SPIDR: variants seen among roughly 807,000 people sequenced by gnomAD.
The protein encoded by SPIDR is DNA repair-scaffolding protein.
Under a neutral mutation model 104.6 loss-of-function variants are expected in SPIDR, and 93 were observed. That is an observed-to-expected ratio of 0.89 (90% CI 0.75 to 1.06). The LOEUF (loss-of-function observed/expected upper bound fraction) is 1.06. Ranked by LOEUF, SPIDR falls within the 50% of genes least tolerant of loss-of-function variation. SPIDR has a pLI of 0.00. For synonymous variants in SPIDR, 431 were observed against 416.9 expected (o/e 1.03, Z -0.41); for missense variants, 1,154 against 1,111.2 (o/e 1.04, Z -0.55).
intron 10 of SPIDR, among the ~76,000 whole-genome samples, chr8:47,599,877 G>A (rs577300456): frequency 3.9e-5 from 6 of 152,028 alleles, no homozygotes; most frequent in South Asian, 2.1e-4. Flanking sequence ...AGAGATTCTC[G>A]TGCCCAAGTA....
intron 10 of SPIDR, among the ~76,000 whole-genome samples, chr8:47,642,209 G>T (rs1375821511): frequency 6.6e-6 from 1 of 152,064 alleles, no homozygotes; most frequent in East Asian, 1.9e-4. Context: ...GGATCACGAA[G>T]TAAGGAGATC....
intron 10 of SPIDR, among the ~76,000 whole-genome samples, chr8:47,669,036 C>T (rs2075413727): frequency 6.6e-6 from 1 of 152,016 alleles, no homozygotes; most frequent in Non-Finnish European, 1.5e-5. Flanking sequence ...CACAACAGCC[C>T]TCTGAATTAG....
At chr8:47,684,152 C>T (rs1453997685) in intron 11 of SPIDR, among the ~76,000 whole-genome samples, 3 of 128,322 alleles carry the variant, frequency 2.3e-5, no homozygotes, top group Admixed American at 8.2e-5. Context: ...AAAAAAAAAA[C>T]CTGATTAATA....
At chr8:47,497,749 G>C (rs1185569406) in intron 8 of SPIDR, among the ~76,000 whole-genome samples, 1 of 152,114 alleles carries the variant, frequency 6.6e-6, no homozygotes, top group Non-Finnish European at 1.5e-5. Flanking sequence ...AAGGGTAAAG[G>C]GTTTAGTTTA....
chr8:47,381,530 A>G lies in SPIDR; in HGVS notation c.526-14846A>G, dbSNP rs151142028. Among the ~76,000 whole-genome samples, 5 of 152,286 alleles carry G rather than the reference A, an allele frequency of 3.3e-5. No individual in the cohort carries two copies. In the East Asian group the frequency reaches 9.6e-4, roughly 29 times the overall value. On this transcript the variant is annotated intron_variant, in intron 5 of 19. Coordinates refer to ENST00000297423, the MANE Select transcript of SPIDR (RefSeq NM_001080394.4). The stretch of plus-strand genomic sequence containing the variant: ...GGTGCTACTGACTGTGCTCGTTTGT[A>G]GTGTGACTTTAAGAAAGGGAGGCTG...
chr8:47,678,630 A>T (rs1341130006), intron 11 of SPIDR, among the ~76,000 whole-genome samples: 1 of 152,112 alleles, frequency 6.6e-6, no homozygotes, highest in Non-Finnish European at 1.5e-5. Context: ...AAGATGTAGG[A>T]GCTCTGGAGA....
intron 5 of SPIDR, among the ~76,000 whole-genome samples, chr8:47,355,271 T>TAAAAAAAAAAAAAAAAAAAAAAA (rs34902790): frequency 2.6e-5 from 3 of 116,558 alleles, no homozygotes; most frequent in African/African-American, 9.9e-5. Flanking sequence ...AGGTTTTTTG[T>TAAAAAAAAAAAAAAAAAAAAAAA]AAAAAAAAAA....
At chr8:47,389,456 G>A (rs765994960) in intron 5 of SPIDR, among the ~76,000 whole-genome samples, 1 of 152,010 alleles carries the variant, frequency 6.6e-6, no homozygotes, top group Non-Finnish European at 1.5e-5. Flanking sequence ...TTGGGAGGCC[G>A]AGGCGGGCAG....
intron 8 of SPIDR, among the ~76,000 whole-genome samples, chr8:47,475,426 C>A (rs1470107882): frequency 6.6e-6 from 1 of 152,172 alleles, no homozygotes; most frequent in African/African-American, 2.4e-5. Flanking sequence ...GAAACAGATA[C>A]TGAGGAATAG....
intron 8 of SPIDR, among the ~76,000 whole-genome samples, chr8:47,450,753 G>C (rs139235356): frequency 2.6e-5 from 4 of 152,220 alleles, no homozygotes; most frequent in African/African-American, 9.6e-5. Flanking sequence ...ATGGTGTAGA[G>C]TAGGAAGTTC....
chr8:47,653,869 AC>A (rs1047826743), intron 10 of SPIDR: 17 of 664,698 alleles, frequency 2.6e-5, no homozygotes, highest in Middle Eastern at 7.4e-4. Context: ...CAAAAAAAAA[AC>A]AAACCACTTT....
intron 10 of SPIDR, among the ~76,000 whole-genome samples, chr8:47,634,399 C>G (rs1236540321): frequency 6.6e-6 from 1 of 151,848 alleles, no homozygotes; most frequent in South Asian, 2.1e-4. Context: ...TGTGGTGAGC[C>G]GAGATCATGC....
intron 10 of SPIDR, among the ~76,000 whole-genome samples, chr8:47,638,125 C>A (rs577669027): frequency 2.6e-4 from 39 of 151,840 alleles, no homozygotes; most frequent in African/African-American, 8.5e-4. Flanking sequence ...TTTGAGTGTT[C>A]TGTTTTGTTT....
intron 1 of SPIDR, among the ~76,000 whole-genome samples, chr8:47,263,463 G>A (rs537985015): frequency 4.9e-4 from 75 of 151,746 alleles, no homozygotes; most frequent in Admixed American, 9.2e-4. Context: ...CGGTACAGGC[G>A]CCAGCCTCCA....
At chr8:47,566,244 G>A (rs1280504055) in intron 8 of SPIDR, among the ~76,000 whole-genome samples, 1 of 151,562 alleles carries the variant, frequency 6.6e-6, no homozygotes, top group East Asian at 1.9e-4. Context: ...GACCTCAGGT[G>A]ATCTGCCCGC....
At chr8:47,700,251 G>A in intron 11 of SPIDR, 152 bp from the exon 12 acceptor site, 1 of 800,770 alleles carries the variant, frequency 1.2e-6, no homozygotes, top group Non-Finnish European at 2.2e-6. Context: ...ATCTGTCTGT[G>A]TGCCTTCTTC....
intron 8 of SPIDR, among the ~76,000 whole-genome samples, chr8:47,557,767 A>G (rs2091489879): frequency 6.6e-6 from 1 of 152,212 alleles, no homozygotes; most frequent in Admixed American, 6.5e-5. Context: ...CACTAAAGAC[A>G]ATTAAGACCT....
intron 5 of SPIDR, among the ~76,000 whole-genome samples, chr8:47,364,121 G>A (rs2154291215): frequency 6.6e-6 from 1 of 152,278 alleles, no homozygotes; most frequent in Middle Eastern, 3.4e-3. Context: ...AGCTAAATAG[G>A]AAATAAAACG....
chr8:47,382,489 T>G (rs2059428743), intron 5 of SPIDR, among the ~76,000 whole-genome samples: 1 of 152,242 alleles, frequency 6.6e-6, no homozygotes, highest in Non-Finnish European at 1.5e-5. Context: ...CTTAACTCAC[T>G]GCAACCTCTG....
Sources: allele counts gnomAD v4.1 joint callset (sites outside exome capture counted in the v4.1 genomes callset), GRCh38; gene constraint gnomAD v4.1.1; transcripts MANE v1.5; gene names NCBI Gene and HGNC (gene_info 2026-07-23, HGNC 2026-07-21).